FRMD5: variants seen among roughly 807,000 people sequenced by gnomAD.
FRMD5 encodes FERM domain containing 5.
Under a neutral mutation model 69.0 loss-of-function variants are expected in FRMD5, and 20 were observed. The observed-to-expected ratio is 0.29, with a 90% CI of 0.20 to 0.42. The LOEUF is 0.42. Among genes scored for constraint, FRMD5 ranks in the 10% least tolerant of loss-of-function variants. The pLI, the probability that FRMD5 is intolerant of heterozygous loss-of-function variation, is 1.00. For missense variants in FRMD5, 595 were observed against 708.6 expected, an observed-to-expected ratio of 0.84 and a Z score of 1.82; for synonymous variants, 271 against 260.1, an observed-to-expected ratio of 1.04 and a Z score of -0.40.
At chr15:44,027,940 G>A (rs1891510784) in intron 1 of FRMD5, among the ~76,000 whole-genome samples, 1 of 151,644 alleles carries the variant, frequency 6.6e-6, no homozygotes, top group Admixed American at 6.6e-5. Context: ...CACCGCGCCC[G>A]GCCCTGTGCT....
chr15:43,965,850 G>A (rs2090286855), intron 1 of FRMD5, among the ~76,000 whole-genome samples: 1 of 151,844 alleles, frequency 6.6e-6, no homozygotes, highest in Non-Finnish European at 1.5e-5. Flanking sequence ...AAAGTGCTGG[G>A]ATTACAGGCG....
chr15:44,094,858 T>C (rs895397465), intron 1 of FRMD5, among the ~76,000 whole-genome samples: 1 of 152,110 alleles, frequency 6.6e-6, no homozygotes, highest in Non-Finnish European at 1.5e-5. Flanking sequence ...ATTGTGCTGA[T>C]AGATAGTTTT....
intron 1 of FRMD5, among the ~76,000 whole-genome samples, chr15:43,993,181 C>G (rs1220672981): frequency 6.6e-6 from 1 of 151,986 alleles, no homozygotes; most frequent in African/African-American, 2.4e-5. Flanking sequence ...TGTGCTCTAA[C>G]ATAATAGTTT....
At chr15:44,041,970 C>CA (rs1172702708) in intron 1 of FRMD5, among the ~76,000 whole-genome samples, 2 of 151,908 alleles carry the variant, frequency 1.3e-5, no homozygotes, top group African/African-American at 4.8e-5. Context: ...AAAAACCCCT[C>CA]AAAAAAATCA....
At chr15:43,930,375 G>A (rs1368051737) in intron 1 of FRMD5, among the ~76,000 whole-genome samples, 1 of 152,208 alleles carries the variant, frequency 6.6e-6, no homozygotes, top group Non-Finnish European at 1.5e-5. Context: ...CAGGGCCATA[G>A]CTCACCCCTA....
chr15:44,032,124 T>C (rs1204759815), intron 1 of FRMD5, among the ~76,000 whole-genome samples: 2 of 152,122 alleles, frequency 1.3e-5, no homozygotes, highest in Admixed American at 6.5e-5. Flanking sequence ...ATTCAATAAA[T>C]GGTGGTGGGA....
At chr15:43,941,815 T>C (rs1299041243) in intron 1 of FRMD5, among the ~76,000 whole-genome samples, 1 of 152,178 alleles carries the variant, frequency 6.6e-6, no homozygotes, top group East Asian at 1.9e-4. Context: ...AGTTGTATAC[T>C]GGTGATCATT....
Position 44,195,090 on chromosome 15 carries a change from G to A in FRMD5, c.-36C>T. ...GCCCGCCCGGGAGCGACGCGGCGGCGCTGCGGACCCTGGACCAGGCGTCCC... is the reference window on the plus strand; with the variant it reads ...GCCCGCCCGGGAGCGACGCGGCGGCACTGCGGACCCTGGACCAGGCGTCCC... On this transcript the variant is annotated 5_prime_UTR_variant, in exon 1 of 14. Coordinates refer to ENST00000417257, the MANE Select transcript of FRMD5 (RefSeq NM_032892.5). The A allele has an allele frequency of 1.4e-6, 2 of 1,442,778 alleles. No homozygotes were observed. Among genetic ancestry groups the A allele is most frequent in the Non-Finnish European group, 9.2e-7 (1 of 1,091,868 alleles). The allele number at this position is 1,442,778 out of a possible 1,614,324, so 89.4% of individuals were successfully genotyped here.
In FRMD5 at chr15:44,137,643, C is replaced by T. The variant is rs1039499705; in HGVS notation, c.102+57310G>A. ...TAAATTAGCCCATCTATCATACATG[C>T]CATATCCATCAAAATGACAATAAAT... On this transcript the variant is annotated intron_variant, in intron 1 of 13. Transcript: ENST00000417257. Among the ~76,000 whole-genome samples the T allele has an allele frequency of 1.2e-4, 18 of 152,140 alleles. No individual in the cohort carries two copies. The South Asian group carries it at 3.3e-3, about 28-fold the overall frequency.
intron 13 of FRMD5, among the ~76,000 whole-genome samples, chr15:43,875,361 AAAATAT>A (rs1270226628): frequency 2.9e-5 from 3 of 104,318 alleles, no homozygotes; most frequent in East Asian, 3.4e-4. Flanking sequence ...AAAAAAAAAA[AAAATAT>A]ATATATATAT....
chr15:44,047,819 C>T (rs376347006), intron 1 of FRMD5, among the ~76,000 whole-genome samples: 36 of 152,280 alleles, frequency 2.4e-4, no homozygotes, highest in African/African-American at 7.2e-4. Context: ...GGGAATCATA[C>T]GACTTGTGGC....
intron 1 of FRMD5, among the ~76,000 whole-genome samples, chr15:44,075,991 C>T (rs866554340): frequency 2.6e-5 from 4 of 152,096 alleles, no homozygotes; most frequent in Non-Finnish European, 5.9e-5. Context: ...TCGTGTCCTT[C>T]GCCCACTTTT....
chr15:44,192,056 G>C (rs1010552658), intron 1 of FRMD5, among the ~76,000 whole-genome samples: 1 of 151,214 alleles, frequency 6.6e-6, no homozygotes, highest in Non-Finnish European at 1.5e-5. Flanking sequence ...TCTTCACAGG[G>C]GAGCAATTAT....
At chr15:43,938,698 T>C (rs1176356941) in intron 1 of FRMD5, among the ~76,000 whole-genome samples, 1 of 152,082 alleles carries the variant, frequency 6.6e-6, no homozygotes, top group African/African-American at 2.4e-5. Flanking sequence ...AGGCTGGGCT[T>C]CTCCAAGAAG....
intron 1 of FRMD5, among the ~76,000 whole-genome samples, chr15:43,958,257 ATG>A (rs972822688): frequency 8.5e-5 from 13 of 152,276 alleles, no homozygotes; most frequent in African/African-American, 3.1e-4. Context: ...GTGCTGAATA[ATG>A]TACTGAGAGC....
intron 1 of FRMD5, chr15:43,989,962 TC>T: frequency 9.3e-7 from 1 of 1,071,888 alleles, no homozygotes; most frequent in East Asian, 2.5e-5. Context: ...GGTGACAATG[TC>T]CTGCTTGATG....
chr15:44,155,625 G>A (rs1011022695), intron 1 of FRMD5, among the ~76,000 whole-genome samples: 2 of 151,042 alleles, frequency 1.3e-5, no homozygotes, highest in Non-Finnish European at 3.0e-5. Context: ...ACAAAGTCTC[G>A]CTCTGTCACC....
intron 1 of FRMD5, among the ~76,000 whole-genome samples, chr15:44,131,394 T>TA (rs11304212): frequency 1.3e-5 from 2 of 151,426 alleles, no homozygotes; most frequent in Non-Finnish European, 2.9e-5. Flanking sequence ...CGGCAATTCC[T>TA]AAAAAAAAAA....
chr15:43,938,523 C>T (rs2089803719), intron 1 of FRMD5, among the ~76,000 whole-genome samples: 2 of 152,210 alleles, frequency 1.3e-5, no homozygotes, highest in Non-Finnish European at 2.9e-5. Context: ...TTCTATGCAG[C>T]TTTGGGTTGC....
Sources: allele counts gnomAD v4.1 joint callset (sites outside exome capture counted in the v4.1 genomes callset), GRCh38; gene constraint gnomAD v4.1.1; transcripts MANE v1.5; gene names NCBI Gene and HGNC (gene_info 2026-07-23, HGNC 2026-07-21).